Variants in NUP93 observed in about 807,000 individuals in gnomAD.
NUP93 encodes the protein nuclear pore complex protein Nup93.
A neutral mutation model predicts 107.8 loss-of-function variants in NUP93; 55 were observed. The ratio of observed to expected loss-of-function variants is 0.51; its 90% CI spans 0.41 to 0.64. The LOEUF (loss-of-function observed/expected upper bound fraction) is 0.64. NUP93 is among the 30% of genes least tolerant of loss of function. The probability of loss-of-function intolerance (pLI) is 0.00; values close to 1 mark genes in which losing one functional copy is unlikely to be tolerated. For synonymous variants in NUP93, 390 were observed against 397.5 expected (o/e 0.98, Z 0.22); for missense variants, 937 against 1,044.7 (o/e 0.90, Z 1.42).
intron 1 of NUP93, among the ~76,000 whole-genome samples, chr16:56,739,504 C>T (rs112654231): frequency 0.041 from 1,318 of 32,230 alleles, no homozygotes; most frequent in Non-Finnish European, 0.049. Flanking sequence ...CCGGACGGGG[C>T]GGCTGGCCGG....
chr16:56,792,516 G>T (rs1201828031), intron 3 of NUP93, among the ~76,000 whole-genome samples: 1 of 152,206 alleles, frequency 6.6e-6, no homozygotes, highest in Non-Finnish European at 1.5e-5. Context: ...TTTTAAGTTG[G>T]TAGAGGCTCA....
At chr16:56,798,299 T>G (rs181641672) in intron 3 of NUP93, among the ~76,000 whole-genome samples, 177 bp from the exon 4 acceptor site, 25 of 152,316 alleles carry the variant, frequency 1.6e-4, no homozygotes, top group African/African-American at 5.5e-4. Flanking sequence ...GCTCCCAGAA[T>G]GGAAGAAACT....
intron 3 of NUP93, among the ~76,000 whole-genome samples, chr16:56,762,852 C>G (rs1049392467): frequency 5.9e-5 from 9 of 152,112 alleles, no homozygotes; most frequent in African/African-American, 1.7e-4. Flanking sequence ...GGCAGGGTAT[C>G]TTCGGTCTCT....
intron 6 of NUP93, among the ~76,000 whole-genome samples, chr16:56,820,746 T>G (rs1453265601): frequency 6.6e-6 from 1 of 152,160 alleles, no homozygotes; most frequent in Non-Finnish European, 1.5e-5. Context: ...GAGCAAAGAC[T>G]TCATATACAA....
At chr16:56,808,050 T>C (rs1424444729) in intron 5 of NUP93, among the ~76,000 whole-genome samples, 3 of 142,428 alleles carry the variant, frequency 2.1e-5, no homozygotes, top group Admixed American at 7.4e-5. Flanking sequence ...TATATATTTC[T>C]AAAAATATAT....
At chr16:56,791,754 G>A (rs10852553) in intron 3 of NUP93, among the ~76,000 whole-genome samples, 21,831 of 152,210 alleles carry the variant, frequency 0.14, 1,796 homozygotes, top group East Asian at 0.32. Flanking sequence ...TTCTTTGCCA[G>A]GATACATTGC....
At chr16:56,792,944 G>A (rs759779246) in intron 3 of NUP93, among the ~76,000 whole-genome samples, 3 of 152,108 alleles carry the variant, frequency 2.0e-5, no homozygotes, top group African/African-American at 7.2e-5. Flanking sequence ...CTTCCTGGTC[G>A]GGAATTTTTG....
intron 5 of NUP93, among the ~76,000 whole-genome samples, chr16:56,815,816 G>T (rs1963408152): frequency 6.6e-6 from 1 of 150,946 alleles, no homozygotes; most frequent in Admixed American, 6.8e-5. Flanking sequence ...GTATGCTCCA[G>T]GTCACATTGT....
chr16:56,836,560 C>G, intron 16 of NUP93, 41 bp from the exon 17 acceptor site: 1 of 1,179,468 alleles, frequency 8.5e-7, no homozygotes. Flanking sequence ...CTCTGTGCAC[C>G]CGTCTCTCTC....
chr16:56,757,576 T>C (rs935464506), intron 2 of NUP93, among the ~76,000 whole-genome samples: 7 of 152,226 alleles, frequency 4.6e-5, no homozygotes, highest in African/African-American at 1.7e-4. Context: ...AGTGCAACCT[T>C]TTCTTTAAAA....
intron 2 of NUP93, among the ~76,000 whole-genome samples, chr16:56,754,259 A>G (rs772568189): frequency 3.9e-5 from 6 of 152,134 alleles, no homozygotes; most frequent in Non-Finnish European, 7.4e-5. Flanking sequence ...TCCAATGTTG[A>G]GGATTACAGT....
At chr16:56,732,724 A>G (rs1302618222) in intron 1 of NUP93, among the ~76,000 whole-genome samples, 2 of 152,058 alleles carry the variant, frequency 1.3e-5, no homozygotes, top group East Asian at 3.9e-4. Context: ...GAGAGGGCCC[A>G]CTCCTCATGA....
At chr16:56,802,826 G>A (rs560891659) in intron 4 of NUP93, among the ~76,000 whole-genome samples, 66 of 152,260 alleles carry the variant, frequency 4.3e-4, no homozygotes, top group Admixed American at 1.4e-3. Context: ...TAAATGAAAT[G>A]GCTTTTTGAA....
At chr16:56,782,147 G>T (rs1158259077) in intron 3 of NUP93, 1 of 985,334 alleles carries the variant, frequency 1.0e-6, no homozygotes, top group Non-Finnish European at 1.2e-6. Context: ...CATATAAGAA[G>T]GTTTGGAAGA....
intron 3 of NUP93, among the ~76,000 whole-genome samples, chr16:56,768,299 C>T (rs1046017731): frequency 6.6e-6 from 1 of 152,214 alleles, no homozygotes; most frequent in African/African-American, 2.4e-5. Flanking sequence ...CGCAGTGGCT[C>T]ACGCCTGTAA....
At chr16:56,830,465 G>T in intron 9 of NUP93, 63 bp from the exon 10 acceptor site, 1 of 1,468,724 alleles carries the variant, frequency 6.8e-7, no homozygotes. Context: ...CTCGGTTTTA[G>T]CACATATGAA....
At position 56,832,886 on chromosome 16, in the gene NUP93, AG is replaced by A. The variant is rs1375641157; in HGVS notation, c.1346-326del. Among the ~76,000 whole-genome samples the A allele has an allele frequency of 3.3e-5, 5 of 152,366 alleles. No homozygotes were observed. In the East Asian group the frequency reaches 9.6e-4, roughly 29 times the overall value. ...CATTTCTCTCCTTGAGTGACTTAAC[AG>A]GGTAAAGGAGATAAACACTCTCTGT... On this transcript the variant is annotated intron_variant, in intron 12 of 21. Transcript: ENST00000308159.
At chr16:56,827,225 T>C (rs1416356292) in intron 8 of NUP93, among the ~76,000 whole-genome samples, 3 of 152,068 alleles carry the variant, frequency 2.0e-5, no homozygotes, top group African/African-American at 7.3e-5. Flanking sequence ...TAACCACATA[T>C]TTGGGTATCT....
Position 56,846,194 on chromosome 16 carries a change from T to G in NUP93, c.*1585T>G, listed in dbSNP as rs1964114716. The G allele has an allele frequency of 1.1e-5, 1 of 90,442 alleles. No homozygotes were observed. Among genetic ancestry groups the G allele is most frequent in the South Asian group, 3.0e-4 (1 of 3,366 alleles). 5.6% of individuals were successfully genotyped at this position (90,442 alleles called of 1,614,324 possible). A position where few individuals can be genotyped will look rare whatever the true frequency, so the allele number is the denominator to read the frequency against. The stretch of plus-strand genomic sequence containing the variant: ...TGGGAGGCCAAGGCAGGTGATCACC[T>G]GAGATCAGGAGTTCAAGACCAGCCT... On this transcript the variant is annotated 3_prime_UTR_variant, in exon 22 of 22. Coordinates refer to ENST00000308159, the MANE Select transcript of NUP93 (RefSeq NM_014669.5).
Sources: gnomAD v4.1 joint callset for allele counts (sites outside exome capture counted in the v4.1 genomes callset) on GRCh38, gnomAD v4.1.1 for gene constraint, MANE v1.5 for transcripts, NCBI Gene and HGNC (gene_info 2026-07-23, HGNC 2026-07-21) for gene names.